Variants in HMCN2 observed in about 807,000 individuals in gnomAD.
The protein encoded by HMCN2 is hemicentin 2.
Under a neutral mutation model 377.5 loss-of-function variants are expected in HMCN2, and 325 were observed. That is an observed-to-expected ratio of 0.86 (90% confidence interval 0.79 to 0.94). The LOEUF (loss-of-function observed/expected upper bound fraction) is 0.94, where lower values mean the gene tolerates loss of function less well. Ranked by LOEUF, HMCN2 falls within the 40% of genes least tolerant of loss-of-function variation. HMCN2 has a pLI of 0.00. For synonymous variants in HMCN2, 2,007 were observed against 2,046.8 expected, an observed-to-expected ratio of 0.98 and a Z score of 0.53; for missense variants, 4,543 against 4,725.3, an observed-to-expected ratio of 0.96 and a Z score of 1.13.
At chr9:130,409,666 T>C (rs1454262526) in intron 84 of HMCN2, among the ~76,000 whole-genome samples, 1 of 152,220 alleles carries the variant, frequency 6.6e-6, no homozygotes, top group Non-Finnish European at 1.5e-5. Context: ...CATTATTCCA[T>C]GTGATGCTTA....
intron 1 of HMCN2, among the ~76,000 whole-genome samples, chr9:130,281,620 C>G (rs4837489): frequency 0.78 from 117,252 of 150,566 alleles, 45,974 homozygotes; most frequent in East Asian, 0.89. Context: ...GACTGGCGCA[C>G]TGGCTCATGC....
intron 40 of HMCN2, among the ~76,000 whole-genome samples, chr9:130,363,547 CAT>C (rs1440679695): frequency 1.3e-5 from 2 of 152,076 alleles, no homozygotes; most frequent in Non-Finnish European, 2.9e-5. Context: ...GGGAGCTGGG[CAT>C]GGTGGCTCAC....
chr9:130,277,618 G>A (rs1211794024), intron 1 of HMCN2, among the ~76,000 whole-genome samples: 1 of 152,130 alleles, frequency 6.6e-6, no homozygotes, highest in Non-Finnish European at 1.5e-5. Flanking sequence ...GCAAATGCAC[G>A]TCAAATGCTT....
intron 53 of HMCN2, among the ~76,000 whole-genome samples, chr9:130,378,819 A>C (rs1302441550): frequency 6.6e-6 from 1 of 152,100 alleles, no homozygotes; most frequent in Non-Finnish European, 1.5e-5. Context: ...TGGGGATGAC[A>C]CGGCCCCCTC....
In HMCN2 at chr9:130,384,459, C is replaced by T. The variant is rs1193751750; in HGVS notation, c.8917C>T (p.His2973Tyr). 13 of 1,304,146 alleles carry T rather than the reference C, an allele frequency of 1.0e-5. No homozygotes were observed. The Admixed American group carries it at 2.3e-4, about 23-fold the overall frequency. The allele number at this position is 1,304,146 out of a possible 1,614,324, so 80.8% of individuals were successfully genotyped here. Residue 2973 changes from histidine to tyrosine, a missense_variant, in exon 58 of 98, where the codon CAC becomes TAC. This residue lies in a region of HMCN2 where 736 missense variants were observed against 773.2 expected (regional missense o/e 0.95). Coordinates refer to ENST00000683500, the MANE Select transcript of HMCN2 (RefSeq NM_001291815.2). ...SVSLPCDVHA[H>Y]PNPEVTWYKD... ...CTCCCTCCCTTGCGACGTCCACGCT[C>T]ACCCAAACCCCGAGGTCACGTGGTA...
intron 15 of HMCN2, among the ~76,000 whole-genome samples, chr9:130,314,717 C>T (rs1192900337): frequency 6.6e-6 from 1 of 152,192 alleles, no homozygotes; most frequent in African/African-American, 2.4e-5. Flanking sequence ...GCTGCAACCC[C>T]CAGCCCTGCC....
rs2095960432 is a variant in HMCN2, at chr9:130,395,208, C to T, written c.10775-3C>T. 1.6e-6 allele frequency: 2 copies of T among 1,287,536 alleles called. No individual in the cohort carries two copies. Among genetic ancestry groups the T allele is most frequent in the Non-Finnish European group, 2.0e-6 (2 of 987,764 alleles). 79.8% of individuals were successfully genotyped at this position (1,287,536 alleles called of 1,614,324 possible). A position where few individuals can be genotyped will look rare whatever the true frequency, so the allele number is the denominator to read the frequency against. On this transcript the variant is annotated splice_region_variant and splice_polypyrimidine_tract_variant and intron_variant, in intron 70 of 97. Transcript: ENST00000683500. ...ATATCCTCTTGTGCCACCCCCTTCC[C>T]AGCCCCTCCAAACATTGTTGGGCCC...
Position 130,289,226 on chromosome 9 carries a change from G to A in HMCN2, c.612+2916G>A, listed in dbSNP as rs576980350. Among the ~76,000 whole-genome samples, 13 of 152,334 alleles carry A rather than the reference G, an allele frequency of 8.5e-5. No homozygotes were observed. The East Asian group carries it at 2.3e-3, about 27-fold the overall frequency. ...ACGTTCCAGCACGGCTGGTTCTGGGGGCTGGGAGCCTTCCCATGTTCAGCA... is the reference window on the plus strand; with the variant it reads ...ACGTTCCAGCACGGCTGGTTCTGGGAGCTGGGAGCCTTCCCATGTTCAGCA... On this transcript the variant is annotated intron_variant, in intron 4 of 97. Transcript: ENST00000683500.
intron 1 of HMCN2, among the ~76,000 whole-genome samples, chr9:130,272,534 C>G (rs1554921499): frequency 6.6e-6 from 1 of 152,008 alleles, no homozygotes; most frequent in African/African-American, 2.4e-5. Context: ...AGTCACCATG[C>G]CTGGCCTCTT....
intron 80 of HMCN2, among the ~76,000 whole-genome samples, chr9:130,404,446 C>A (rs748625548): frequency 1.3e-5 from 2 of 152,190 alleles, no homozygotes; most frequent in African/African-American, 4.8e-5. Flanking sequence ...GGTCACCAGA[C>A]CAGCCAGACA....
chr9:130,394,076 G>A lies in HMCN2; in HGVS notation c.10501+68G>A, dbSNP rs1842476866. On this transcript the variant is annotated intron_variant, in intron 68 of 97. Transcript: ENST00000683500. The surrounding 1 kb of genome is among the most constrained non-coding windows in gnomAD (Gnocchi z 5.1). ...AGAGGGTGGGACTCTAGGGGCAATG[G>A]GAAGGACAGTGAGGGAGGTGAGTCC... 1.7e-6 allele frequency: 2 copies of A among 1,179,998 alleles called. No homozygotes were observed. Among genetic ancestry groups the A allele is most frequent in the Admixed American group, 3.6e-5 (1 of 27,576 alleles). 73.1% of individuals were successfully genotyped at this position (1,179,998 alleles called of 1,614,324 possible). A position where few individuals can be genotyped will look rare whatever the true frequency, so the allele number is the denominator to read the frequency against.
chr9:130,297,895 G>A (rs924509517), intron 7 of HMCN2, among the ~76,000 whole-genome samples: 3 of 152,200 alleles, frequency 2.0e-5, no homozygotes, highest in Non-Finnish European at 4.4e-5. Flanking sequence ...CCCAGTGGAA[G>A]TGGGTGCAGG....
intron 43 of HMCN2, among the ~76,000 whole-genome samples, chr9:130,366,648 T>A (rs1773789311): frequency 6.6e-6 from 1 of 151,856 alleles, no homozygotes; most frequent in Non-Finnish European, 1.5e-5. Context: ...GAGACAGGGT[T>A]TCACCATGTT....
At chr9:130,312,656 T>C (rs1355504392) in intron 15 of HMCN2, among the ~76,000 whole-genome samples, 1 of 144,378 alleles carries the variant, frequency 6.9e-6, no homozygotes, top group Non-Finnish European at 1.5e-5. Context: ...CTCCCTCCCT[T>C]CCTTTCTTTC....
chr9:130,268,277 C>T (rs782453644), intron 1 of HMCN2, among the ~76,000 whole-genome samples: 3 of 152,200 alleles, frequency 2.0e-5, no homozygotes, highest in Non-Finnish European at 4.4e-5. Context: ...GGGCAGTTCT[C>T]CAGCCTTCAC....
chr9:130,400,707 G>A (rs912388655), intron 76 of HMCN2, 76 bp from the exon 77 acceptor site: 16 of 1,129,300 alleles, frequency 1.4e-5, no homozygotes, highest in Non-Finnish European at 1.7e-5. Context: ...TTGTGTACTA[G>A]CTTTACCCCC....
intron 61 of HMCN2, among the ~76,000 whole-genome samples, chr9:130,387,462 C>T (rs1842087765): frequency 6.6e-6 from 1 of 152,148 alleles, no homozygotes; most frequent in Non-Finnish European, 1.5e-5. Flanking sequence ...GAAACTGGGA[C>T]ACGGCATCGT....
rs1023054477 is a variant in HMCN2, at chr9:130,340,401, C to G, written c.3488-710C>G. On this transcript the variant is annotated intron_variant, in intron 23 of 97. Transcript: ENST00000683500. ...GTCCCTTGGCTATAAGGAGCTGAAC[C>G]AGGATTGGAGCCACCTCCGCACATG... Among the ~76,000 whole-genome samples the G allele has an allele frequency of 2.3e-3, 351 of 152,356 alleles. 2 individuals are homozygous for G. Among genetic ancestry groups the G allele is most frequent in the African/African-American group, 8.1e-3 (338 of 41,586 alleles).
chr9:130,315,187 T>TCCCCCCCCCCCCCCCCCC (rs1837469506), intron 15 of HMCN2, among the ~76,000 whole-genome samples: 2 of 23,550 alleles, frequency 8.5e-5, no homozygotes, highest in Admixed American at 6.0e-4. Context: ...CCTCCCTTCC[T>TCCCCCCCCCCCCCCCCCC]CCCTCCCTCC....
Sources: allele counts gnomAD v4.1 joint callset (sites outside exome capture counted in the v4.1 genomes callset), GRCh38; gene constraint gnomAD v4.1.1; regional missense constraint gnomAD v4.1.1; non-coding constraint Gnocchi (gnomAD v3.1); transcripts MANE v1.5; gene names NCBI Gene and HGNC (gene_info 2026-07-23, HGNC 2026-07-21).